The following DHX30 variants were observed in gnomAD, a reference collection of about 807,000 sequenced individuals.
DHX30 encodes ATP-dependent RNA helicase DHX30.
In DHX30, 4 loss-of-function variants were observed where a neutral mutation model predicts 116.9. The observed-to-expected ratio is 0.03, with a 90% confidence interval of 0.02 to 0.08. The LOEUF is 0.08. Ranked by LOEUF, DHX30 falls within the 10% of genes least tolerant of loss-of-function variation. The pLI is 1.00. For missense variants in DHX30, 871 were observed against 1,595.1 expected (o/e 0.55, Z 7.73); for synonymous variants, 697 against 651.7 (o/e 1.07, Z -1.06).
intron 4 of DHX30, among the ~76,000 whole-genome samples, chr3:47,826,690 G>T (rs1005756850): frequency 1.3e-5 from 2 of 148,176 alleles, no homozygotes; most frequent in Non-Finnish European, 2.9e-5. Context: ...CTGACCTTGT[G>T]ATCCACCCGC....
At chr3:47,821,859 A>G (rs1225817068) in intron 4 of DHX30, among the ~76,000 whole-genome samples, 1 of 152,096 alleles carries the variant, frequency 6.6e-6, no homozygotes, top group Admixed American at 6.6e-5. Flanking sequence ...TCGGCCTCCC[A>G]AAGTGCTGGG....
chr3:47,845,986 C>A, intron 10 of DHX30, 134 bp downstream of exon 10: 1 of 1,462,628 alleles, frequency 6.8e-7, no homozygotes, highest in Non-Finnish European at 9.2e-7. Context: ...CTGGGATCCC[C>A]CTGGCCTGAA....
rs981692575 is a variant in DHX30, at chr3:47,825,078, C to A, written c.125-2269C>A. ...GGAGACTCATGGCGCTGGCCGCCGGCATCTCTCCGCGCCTGCAGCCGCTGG... is the reference window on the plus strand; with the variant it reads ...GGAGACTCATGGCGCTGGCCGCCGGAATCTCTCCGCGCCTGCAGCCGCTGG... On this transcript the variant is annotated intron_variant, in intron 4 of 21. Transcript: ENST00000445061. The A allele has an allele frequency of 6.6e-5, 44 of 667,864 alleles. No individual in the cohort carries two copies. The African/African-American group carries it at 7.5e-4, about 11-fold the overall frequency. 41.4% of individuals were successfully genotyped at this position (667,864 alleles called of 1,614,324 possible).
intron 2 of DHX30, 141 bp from the exon 3 acceptor site, chr3:47,810,516 G>A: frequency 1.5e-6 from 1 of 651,130 alleles, no homozygotes. Context: ...TCAAGACTGG[G>A]GAGCAGCAGT....
In DHX30 at chr3:47,846,926, C is replaced by T. The variant is rs1273569733; in HGVS notation, c.1854C>T (p.Val618=). The T allele has an allele frequency of 5.6e-6, 9 of 1,613,510 alleles. No individual in the cohort carries two copies. The African/African-American group carries it at 1.1e-4, about 19-fold the overall frequency. The stretch of plus-strand genomic sequence containing the variant: ...AGGTGCCTGGCTTCATGTACCCAGT[C>T]AAGGAGCACTACCTAGAGGACATCC... ...VIKVPGFMYP[V]KEHYLEDILA... is the part of the protein sequence containing the mutation. Residue 618 remains valine (V), a synonymous_variant, in exon 11 of 22, where the codon GTC becomes GTT. Coordinates refer to ENST00000445061, the MANE Select transcript of DHX30 (RefSeq NM_138615.3).
At chr3:47,844,505 A>T (rs1186640441) in intron 9 of DHX30, among the ~76,000 whole-genome samples, 1 of 152,270 alleles carries the variant, frequency 6.6e-6, no homozygotes, top group African/African-American at 2.4e-5. Flanking sequence ...GGGAGAGGGC[A>T]GAAGCCTGTT....
intron 18 of DHX30, 45 bp from the exon 19 acceptor site, chr3:47,849,147 C>CTG (rs2037839583): frequency 6.2e-7 from 1 of 1,613,294 alleles, no homozygotes; most frequent in Non-Finnish European, 8.5e-7. Flanking sequence ...CACCTCCAGC[C>CTG]TGTGGCTAGG....
At chr3:47,845,671 T>C (rs964354219) in intron 9 of DHX30, 29 bp from the exon 10 acceptor site, 5 of 1,556,836 alleles carry the variant, frequency 3.2e-6, no homozygotes, top group Non-Finnish European at 1.8e-6. Context: ...CCCCAGAGCA[T>C]AGACTGAGTC....
Position 47,846,651 on chromosome 3 carries a change from T to A in DHX30, c.1579T>A (p.Ser527Thr). Residue 527 changes from serine to threonine, a missense_variant, in exon 11 of 22, where the codon TCC (serine) becomes ACC (threonine). By Grantham distance (58) the Ser-to-Thr change is moderately conservative. Coordinates refer to ENST00000445061, the MANE Select transcript of DHX30 (RefSeq NM_138615.3). ...GGTGCGGTTGGAAAGTAAGCCCCCATCCCGAGGCGGGGCCCTGCTCTTCTG... is the reference window on the plus strand; with the variant it reads ...GGTGCGGTTGGAAAGTAAGCCCCCAACCCGAGGCGGGGCCCTGCTCTTCTG... ...FQVRLESKPP[S>T]RGGALLFCTV... is the part of the protein sequence containing the mutation. 6.2e-7 allele frequency: 1 copy of A among 1,613,970 alleles called. No individual in the cohort carries two copies. Among genetic ancestry groups the A allele is most frequent in the Non-Finnish European group, 8.5e-7 (1 of 1,179,940 alleles).
intron 6 of DHX30, among the ~76,000 whole-genome samples, chr3:47,837,852 G>A (rs970468864): frequency 6.6e-6 from 1 of 152,220 alleles, no homozygotes; most frequent in African/African-American, 2.4e-5. Context: ...GGTTGGAGGG[G>A]CAGCATGCGC....
chr3:47,813,680 T>C (rs1207517178), intron 3 of DHX30, among the ~76,000 whole-genome samples: 3 of 152,174 alleles, frequency 2.0e-5, no homozygotes, highest in Non-Finnish European at 2.9e-5. Flanking sequence ...TAGGTCTTCC[T>C]GATTGTGTCT....
intron 4 of DHX30, chr3:47,825,092 T>A: frequency 1.5e-6 from 1 of 671,166 alleles, no homozygotes; most frequent in East Asian, 3.1e-5. Flanking sequence ...TCTCCGCGCC[T>A]GCAGCCGCTG....
At chr3:47,840,248 C>T (rs768726986) in intron 6 of DHX30, among the ~76,000 whole-genome samples, 10 of 150,416 alleles carry the variant, frequency 6.6e-5, no homozygotes, top group South Asian at 2.1e-4. Flanking sequence ...CCGCCCGTCT[C>T]GGCCTCCCAA....
At chr3:47,817,988 A>T (rs1459700666) in intron 3 of DHX30, 34 bp from the exon 4 acceptor site, 4 of 780,820 alleles carry the variant, frequency 5.1e-6, no homozygotes, top group Non-Finnish European at 9.6e-6. Flanking sequence ...AGGGGTGAGA[A>T]CATGTCGCCC....
At chr3:47,849,133 C>G (rs2030711863) in intron 18 of DHX30, 54 bp downstream of exon 18, 2 of 1,612,306 alleles carry the variant, frequency 1.2e-6, no homozygotes, top group African/African-American at 1.3e-5. Context: ...CACTGAGTTT[C>G]TGTCACCTCC....
intron 6 of DHX30, among the ~76,000 whole-genome samples, 178 bp downstream of exon 6, chr3:47,829,312 A>ATTTTT (rs1351089403): frequency 3.6e-5 from 1 of 27,968 alleles, no homozygotes; most frequent in Non-Finnish European, 7.4e-5. Flanking sequence ...ATATATATAT[A>ATTTTT]TATTTTTTTT....
rs372358598 is a variant in DHX30 at position 47,846,470 on chromosome 3, C to T, written c.1398C>T (p.Arg466=). Residue 466 remains arginine, a synonymous_variant, in exon 11 of 22, where the codon CGC becomes CGT. Transcript: ENST00000445061. ...SGDTGCGKTT[R]IPQLLLERYV... ...ACACGGGCTGTGGGAAGACCACGCG[C>T]ATCCCCCAGCTGTTGCTGGAGCGCT... 6.2e-7 allele frequency: 1 copy of T among 1,614,090 alleles called. No individual in the cohort carries two copies. The highest frequency in any genetic ancestry group is 8.5e-7 in the Non-Finnish European group (1 of 1,180,042).
intron 3 of DHX30, among the ~76,000 whole-genome samples, chr3:47,811,619 G>T (rs1273756620): frequency 1.3e-5 from 2 of 152,178 alleles, no homozygotes; most frequent in African/African-American, 2.4e-5. Flanking sequence ...TTTCTGCAGG[G>T]TGTATAGGAA....
At chr3:47,836,987 C>T (rs1336665003) in intron 6 of DHX30, among the ~76,000 whole-genome samples, 1 of 152,176 alleles carries the variant, frequency 6.6e-6, no homozygotes, top group Non-Finnish European at 1.5e-5. Context: ...TCTGCATTGC[C>T]CATAGGCTTG....
Sources: allele counts gnomAD v4.1 joint callset (sites outside exome capture counted in the v4.1 genomes callset), GRCh38; gene constraint gnomAD v4.1.1; transcripts MANE v1.5; gene names NCBI Gene and HGNC (gene_info 2026-07-23, HGNC 2026-07-21).